The following NOC3L variants were observed in gnomAD, a reference collection of about 807,000 sequenced individuals.
The protein encoded by NOC3L is NOC3 like DNA replication regulator, also known as nucleolar complex protein 3 homolog.
A neutral mutation model predicts 102.5 loss-of-function variants in NOC3L; 85 were observed. That is an observed-to-expected ratio of 0.83 (90% CI 0.70 to 0.99). The LOEUF (loss-of-function observed/expected upper bound fraction) is 0.99. NOC3L is among the 50% of genes least tolerant of loss of function. The pLI is 0.00. For synonymous variants in NOC3L, 303 were observed against 309.4 expected, an observed-to-expected ratio of 0.98 and a Z score of 0.22; for missense variants, 878 against 914.9, an observed-to-expected ratio of 0.96 and a Z score of 0.52.
At chr10:94,354,803 TA>T (rs2134007769) in intron 6 of NOC3L, among the ~76,000 whole-genome samples, 159 bp downstream of exon 6, 2 of 152,348 alleles carry the variant, frequency 1.3e-5, no homozygotes, top group South Asian at 4.1e-4. Context: ...GACATAGCAT[TA>T]AGCTAAGATT....
At chr10:94,325,392 TCAAGAC>T in the NOC3L span, 1 of 343,794 alleles carries the variant, frequency 2.9e-6, no homozygotes, top group African/African-American at 2.1e-5. Context: ...TGAGGTCAGT[TCAAGAC>T]CAGCCTGACC....
intron 2 of NOC3L, among the ~76,000 whole-genome samples, chr10:94,358,508 T>C (rs1291964003): frequency 2.0e-5 from 3 of 152,206 alleles, no homozygotes; most frequent in East Asian, 3.8e-4. Context: ...TAAATGCCAA[T>C]AGCATTCCCA....
At position 94,346,470 on chromosome 10, in the gene NOC3L, C is replaced by T. The variant is rs780065168; in HGVS notation, c.1344G>A (p.Met448Ile). The T allele has an allele frequency of 1.3e-6, 2 of 1,513,820 alleles. No homozygotes were observed. Among genetic ancestry groups the T allele is most frequent in the Non-Finnish European group, 1.8e-6 (2 of 1,127,456 alleles). The allele number at this position is 1,513,820 out of a possible 1,614,324, so 93.8% of individuals were successfully genotyped here. A position where few individuals can be genotyped will look rare whatever the true frequency, so the allele number is the denominator to read the frequency against. The change falls in exon 11 of 21, where the codon ATG (methionine) becomes ATA (isoleucine). Residue 448 changes from methionine (M) to isoleucine (I), a missense_variant. Physicochemically the swap from Met to Ile is conservative, Grantham distance 10. Transcript: ENST00000371361. ...TEDINKPKKF[M>I]TFKEKRKSLS... is the part of the protein sequence containing the mutation. Reference sequence around the variant, plus strand: ...GAGATTTTCTCTTTTCTTTGAAAGTCATAAATTTTTTTGGTTTATTAATGT... The same window carrying T: ...GAGATTTTCTCTTTTCTTTGAAAGTTATAAATTTTTTTGGTTTATTAATGT...
chr10:94,359,317 T>C (rs753230272), intron 2 of NOC3L, among the ~76,000 whole-genome samples: 1 of 152,110 alleles, frequency 6.6e-6, no homozygotes, highest in Non-Finnish European at 1.5e-5. Context: ...TCCTAGCTAC[T>C]TGGGAAGCTG....
At chr10:94,326,497 C>T in the NOC3L span, among the ~76,000 whole-genome samples, 1 of 152,200 alleles carries the variant, frequency 6.6e-6, no homozygotes, top group Admixed American at 6.5e-5. Context: ...ATGTTATACA[C>T]ACCTCTATAA....
intron 9 of NOC3L, 144 bp downstream of exon 9, chr10:94,349,968 TG>T: frequency 3.2e-6 from 2 of 632,108 alleles, no homozygotes; most frequent in South Asian, 2.0e-5. Context: ...CCATGTTAGC[TG>T]GGGTGGTCTC....
chr10:94,340,638 G>A, intron 14 of NOC3L, 142 bp from the exon 15 acceptor site: 1 of 689,314 alleles, frequency 1.5e-6, no homozygotes, highest in Non-Finnish European at 2.4e-6. Flanking sequence ...GAGGCAGGCA[G>A]ATCATTTGAG....
At chr10:94,329,065 G>A (rs1486199898), downstream of NOC3L, 3 of 152,130 alleles carry the variant, frequency 2.0e-5, no homozygotes, top group Non-Finnish European at 4.4e-5. Flanking sequence ...AGAAGCATTA[G>A]TTCTCAGTAC....
In NOC3L at chr10:94,333,489, T is replaced by C. The variant is rs2054182384; in HGVS notation, c.*688A>G. ...TGGTTCTTCTACCCTGGAGCAATTC[T>C]TCCCCAGTCACCCTCCAGGGAATGT... On this transcript the variant is annotated 3_prime_UTR_variant, in exon 21 of 21. Coordinates refer to ENST00000371361, the MANE Select transcript of NOC3L (RefSeq NM_022451.11). The C allele has an allele frequency of 1.3e-5, 2 of 152,204 alleles. No individual in the cohort carries two copies. The highest frequency in any genetic ancestry group is 1.3e-4 in the Admixed American group (2 of 15,282). The allele number at this position is 152,204 out of a possible 1,614,324, so 9.4% of individuals were successfully genotyped here. A position where few individuals can be genotyped will look rare whatever the true frequency, so the allele number is the denominator to read the frequency against.
rs777186363 is a variant in NOC3L, at chr10:94,342,113, G to A, written c.1572-368C>T. 3.3e-5 allele frequency among the ~76,000 whole-genome samples: 5 copies of A among 152,288 alleles called. No individual in the cohort carries two copies. In the East Asian group the frequency reaches 9.6e-4, roughly 29 times the overall value. The stretch of plus-strand genomic sequence containing the variant: ...GGGAAGAGAGACAAGGAAAGATTCT[G>A]CTACTTACAAGAATATGGACCTTAT... On this transcript the variant is annotated intron_variant, in intron 13 of 20. Coordinates refer to ENST00000371361, the MANE Select transcript of NOC3L (RefSeq NM_022451.11).
In NOC3L at chr10:94,358,110, G is replaced by C. The variant is rs749849997; in HGVS notation, c.323C>G (p.Ser108Cys). Residue 108 changes from serine (S) to cysteine (C), a missense_variant, in exon 3 of 21, where the codon TCT becomes TGT. Transcript: ENST00000371361. ...AGAAGAAAGATCTCTTGTTAGAAAA[G>C]ATACTCTTTGTCCTAAATCCTTCAT... ...QLMKDLGQRVSFLTRDLSSSE... is the reference protein window; with the variant it reads ...QLMKDLGQRVCFLTRDLSSSE... The C allele has an allele frequency of 6.2e-7, 1 of 1,603,174 alleles. No individual in the cohort carries two copies. The highest frequency in any genetic ancestry group is 1.3e-5 in the African/African-American group (1 of 74,670).
At chr10:94,344,740 T>C in intron 12 of NOC3L, 113 bp downstream of exon 12, 1 of 845,936 alleles carries the variant, frequency 1.2e-6, no homozygotes, top group Non-Finnish European at 1.8e-6. Flanking sequence ...AAGTCACACA[T>C]CTAAGCCTCA....
At chr10:94,319,677 C>T in the NOC3L span, among the ~76,000 whole-genome samples, 1 of 152,042 alleles carries the variant, frequency 6.6e-6, no homozygotes, top group Non-Finnish European at 1.5e-5. Flanking sequence ...ATACAAACTA[C>T]CCTACTTGAC....
the NOC3L span, among the ~76,000 whole-genome samples, chr10:94,321,541 T>C: frequency 9.9e-5 from 15 of 151,640 alleles, no homozygotes; most frequent in Non-Finnish European, 1.8e-4. Context: ...GGCAGGAGAA[T>C]TGCTTGAACC....
At chr10:94,350,957 T>G (rs1260899326) in intron 8 of NOC3L, among the ~76,000 whole-genome samples, 2 of 152,022 alleles carry the variant, frequency 1.3e-5, no homozygotes, top group African/African-American at 2.4e-5. Flanking sequence ...TTTTTAAAAT[T>G]TATTACATGT....
chr10:94,325,759 T>C, the NOC3L span: 138 of 152,320 alleles, frequency 9.1e-4, no homozygotes, highest in African/African-American at 3.3e-3. Flanking sequence ...CTGTCTTCAG[T>C]ATTAATAGCT....
intron 3 of NOC3L, 124 bp downstream of exon 3, chr10:94,357,959 A>C (rs1388938735): frequency 1.5e-6 from 1 of 678,196 alleles, no homozygotes; most frequent in African/African-American, 1.8e-5. Context: ...TAAGCTAAAT[A>C]ATACTTTATT....
chr10:94,357,965 T>C, intron 3 of NOC3L, 118 bp downstream of exon 3: 1 of 697,112 alleles, frequency 1.4e-6, no homozygotes, highest in Non-Finnish European at 2.6e-6. Context: ...AAATAATACT[T>C]TATTCTTTGT....
chr10:94,339,989 C>T (rs1431203639), intron 16 of NOC3L, 69 bp from the exon 17 acceptor site: 1 of 1,336,912 alleles, frequency 7.5e-7, no homozygotes, highest in East Asian at 2.3e-5. Context: ...GACTGAACTT[C>T]AGATAAACCC....
Sources: gnomAD v4.1 joint callset for allele counts (sites outside exome capture counted in the v4.1 genomes callset) on GRCh38, gnomAD v4.1.1 for gene constraint, MANE v1.5 for transcripts, NCBI Gene and HGNC (gene_info 2026-07-23, HGNC 2026-07-21) for gene names.